The following DAB1 variants were observed in gnomAD, a reference collection of about 807,000 sequenced individuals.
The protein encoded by DAB1 is DAB adaptor protein 1.
In DAB1, 15 loss-of-function variants were observed where a neutral mutation model predicts 64.6. The ratio of observed to expected loss-of-function variants is 0.23; its 90% CI spans 0.16 to 0.36. The LOEUF (loss-of-function observed/expected upper bound fraction) is 0.36. Ranked by LOEUF, DAB1 falls within the 10% of genes least tolerant of loss-of-function variation. DAB1 has a pLI of 1.00. For missense variants in DAB1, 596 were observed against 706.7 expected (o/e 0.84, Z 1.78); for synonymous variants, 235 against 251.9 (o/e 0.93, Z 0.64).
Position 58,506,355 on chromosome 1 carries a change from T to C in DAB1, n.108-146A>G, listed in dbSNP as rs1645990683. 4 of 545,748 alleles carry C rather than the reference T, an allele frequency of 7.3e-6. No individual in the cohort carries two copies. The South Asian group carries it at 1.1e-4, about 14-fold the overall frequency. The allele number at this position is 545,748 out of a possible 1,614,324, so 33.8% of individuals were successfully genotyped here. Reference sequence around the variant, plus strand: ...ACAACGTGCAGGTTTGTTACATACGTATACATGTGCCATGTTGGTGTGCTG... The same window carrying C: ...ACAACGTGCAGGTTTGTTACATACGCATACATGTGCCATGTTGGTGTGCTG... On this transcript the variant is annotated intron_variant and non_coding_transcript_variant, in intron 2 of 20. Coordinates refer to the DAB1 transcript ENST00000485760.
At chr1:57,329,495 A>C (rs996510791) in intron 1 of DAB1, among the ~76,000 whole-genome samples, 2 of 152,118 alleles carry the variant, frequency 1.3e-5, no homozygotes, top group African/African-American at 4.8e-5. Context: ...TGCATATCTA[A>C]ACAGTAATTC....
At chr1:57,811,257 C>A (rs1007907355) in intron 6 of DAB1, among the ~76,000 whole-genome samples, 3 of 152,172 alleles carry the variant, frequency 2.0e-5, no homozygotes, top group African/African-American at 7.2e-5. Context: ...TCCCCAATGT[C>A]GAAGGTGGGG....
At chr1:57,812,257 C>T (rs980680778) in intron 6 of DAB1, among the ~76,000 whole-genome samples, 1 of 145,052 alleles carries the variant, frequency 6.9e-6, no homozygotes, top group Non-Finnish European at 1.5e-5. Context: ...AAACAGCTCT[C>T]AAGAAGTCTC....
chr1:57,492,615 C>T (rs1335030188), intron 7 of DAB1, among the ~76,000 whole-genome samples: 5 of 152,066 alleles, frequency 3.3e-5, no homozygotes, highest in African/African-American at 1.2e-4. Flanking sequence ...AAATAGCCAC[C>T]GTATTTCACA....
intron 2 of DAB1, among the ~76,000 whole-genome samples, chr1:57,239,533 G>A (rs584383): frequency 0.47 from 71,657 of 151,952 alleles, 18,876 homozygotes; most frequent in Admixed American, 0.59. Flanking sequence ...GTGGTCCCAC[G>A]TGCCTATCTT....
intron 3 of DAB1, among the ~76,000 whole-genome samples, chr1:58,367,988 G>A (rs1644231735): frequency 6.6e-6 from 1 of 152,154 alleles, no homozygotes. Flanking sequence ...ACATGGCACT[G>A]TTTGCCTAAT....
At chr1:58,454,652 C>A (rs552001746) in intron 3 of DAB1, among the ~76,000 whole-genome samples, 1 of 152,270 alleles carries the variant, frequency 6.6e-6, no homozygotes, top group East Asian at 1.9e-4. Flanking sequence ...TGCTCCCCAC[C>A]ACCTGGGGAC....
At chr1:57,799,696 A>G (rs1651037020) in intron 6 of DAB1, among the ~76,000 whole-genome samples, 2 of 152,214 alleles carry the variant, frequency 1.3e-5, no homozygotes, top group Non-Finnish European at 2.9e-5. Context: ...CTGTTTTTGT[A>G]CAATATGCAA....
chr1:58,074,761 C>T (rs569322083), intron 5 of DAB1, among the ~76,000 whole-genome samples: 4 of 151,248 alleles, frequency 2.6e-5, no homozygotes, highest in Non-Finnish European at 4.4e-5. Context: ...ATTCCCCAGG[C>T]GAAAATAAGA....
intron 2 of DAB1, among the ~76,000 whole-genome samples, chr1:57,208,688 G>A (rs1665778921): frequency 6.6e-6 from 1 of 152,188 alleles, no homozygotes; most frequent in East Asian, 1.9e-4. Context: ...TTAGGGCCAG[G>A]TACTGTGGCA....
chr1:57,572,995 C>G (rs922577284), intron 7 of DAB1, among the ~76,000 whole-genome samples: 4 of 152,194 alleles, frequency 2.6e-5, no homozygotes, highest in Admixed American at 2.0e-4. Flanking sequence ...CACCAGGCTC[C>G]ATCTCCAGAA....
chr1:57,656,624 C>A (rs561768436), intron 6 of DAB1, among the ~76,000 whole-genome samples: 2 of 152,282 alleles, frequency 1.3e-5, no homozygotes, highest in Admixed American at 6.5e-5. Context: ...TCCCAAAAAA[C>A]CACAGAAATA....
chr1:57,906,084 C>G (rs1267625945), intron 5 of DAB1, among the ~76,000 whole-genome samples: 1 of 152,094 alleles, frequency 6.6e-6, no homozygotes, highest in African/African-American at 2.4e-5. Flanking sequence ...CAGGTTCTCC[C>G]AATGGAAGTA....
chr1:58,012,399 G>C (rs924979484), intron 5 of DAB1, among the ~76,000 whole-genome samples: 4 of 151,900 alleles, frequency 2.6e-5, no homozygotes, highest in Non-Finnish European at 4.4e-5. Flanking sequence ...GCCTCTTCAG[G>C]GTCCACTTCT....
chr1:57,384,896 C>T (rs1426757489), intron 1 of DAB1, among the ~76,000 whole-genome samples: 1 of 152,096 alleles, frequency 6.6e-6, no homozygotes, highest in Non-Finnish European at 1.5e-5. Flanking sequence ...CTTCATATCA[C>T]AATTAAAAAT....
intron 7 of DAB1, among the ~76,000 whole-genome samples, chr1:57,636,096 C>CAAAAAAAAAAAAAAAAAAA (rs61007751): frequency 3.1e-5 from 2 of 64,992 alleles, no homozygotes; most frequent in African/African-American, 1.3e-4. Context: ...GACACGGTCT[C>CAAAAAAAAAAAAAAAAAAA]AAAAAAAAAA....
At chr1:57,773,180 G>A (rs1264931215) in intron 6 of DAB1, among the ~76,000 whole-genome samples, 2 of 151,908 alleles carry the variant, frequency 1.3e-5, no homozygotes, top group African/African-American at 4.8e-5. Context: ...AAGCCATTCA[G>A]TTTTCAGTAC....
At chr1:57,116,480 A>AAAAAAAAAAAAAAAAG (rs1553144211) in intron 4 of DAB1, among the ~76,000 whole-genome samples, 2 of 131,324 alleles carry the variant, frequency 1.5e-5, no homozygotes, top group Admixed American at 8.7e-5. Context: ...AAAAAAAAAA[A>AAAAAAAAAAAAAAAAG]AAAGAAAGAA....
chr1:57,698,504 T>C (rs1250469750), intron 6 of DAB1, among the ~76,000 whole-genome samples: 2 of 152,198 alleles, frequency 1.3e-5, no homozygotes, highest in Non-Finnish European at 2.9e-5. Flanking sequence ...CCACATTATA[T>C]TATAACTACT....
Sources: gnomAD v4.1 joint callset for allele counts (sites outside exome capture counted in the v4.1 genomes callset) on GRCh38, gnomAD v4.1.1 for gene constraint, MANE v1.5 for transcripts, NCBI Gene and HGNC (gene_info 2026-07-23, HGNC 2026-07-21) for gene names.